MAML3: variants seen among roughly 807,000 people sequenced by gnomAD.
The protein encoded by MAML3 is mastermind like transcriptional coactivator 3, also known as mastermind-like protein 3.
Under a neutral mutation model 101.9 loss-of-function variants are expected in MAML3, and 27 were observed. The ratio of observed to expected loss-of-function variants is 0.27; its 90% CI spans 0.20 to 0.37. MAML3 has a LOEUF of 0.37. Among genes scored for constraint, MAML3 ranks in the 10% least tolerant of loss-of-function variants. MAML3 has a pLI of 1.00. For synonymous variants in MAML3, 501 were observed against 555.9 expected, an observed-to-expected ratio of 0.90 and a Z score of 1.39; for missense variants, 1,316 against 1,444.9, an observed-to-expected ratio of 0.91 and a Z score of 1.45.
At chr4:140,032,421 G>C (rs1726922022) in intron 1 of MAML3, among the ~76,000 whole-genome samples, 1 of 152,166 alleles carries the variant, frequency 6.6e-6, no homozygotes, top group Admixed American at 6.5e-5. Context: ...CTTCAGACTT[G>C]AAATTATTCT....
intron 1 of MAML3, among the ~76,000 whole-genome samples, chr4:140,150,939 G>A (rs1578711556): frequency 1.3e-5 from 2 of 151,724 alleles, no homozygotes; most frequent in African/African-American, 4.8e-5. Context: ...AAAACCAACC[G>A]AGACGGCCCC....
intron 2 of MAML3, among the ~76,000 whole-genome samples, chr4:139,744,661 G>T (rs1313098525): frequency 6.6e-6 from 1 of 152,202 alleles, no homozygotes; most frequent in Non-Finnish European, 1.5e-5. Context: ...CAGCACAATG[G>T]CAGGGGCTAT....
intron 1 of MAML3, among the ~76,000 whole-genome samples, chr4:140,045,669 C>G (rs1404547201): frequency 6.6e-6 from 1 of 152,162 alleles, no homozygotes; most frequent in East Asian, 1.9e-4. Context: ...CACTTTCTGA[C>G]TAATTTCTTA....
At chr4:140,068,819 T>A (rs1393293720) in intron 1 of MAML3, among the ~76,000 whole-genome samples, 2 of 152,082 alleles carry the variant, frequency 1.3e-5, no homozygotes, top group Non-Finnish European at 2.9e-5. Flanking sequence ...ATTTGAAGAG[T>A]CTTAGGCCAC....
At chr4:140,032,952 G>A (rs967720661) in intron 1 of MAML3, among the ~76,000 whole-genome samples, 17 of 151,432 alleles carry the variant, frequency 1.1e-4, no homozygotes, top group Non-Finnish European at 1.5e-5. Context: ...GGGCTCTTGT[G>A]CACTGGGTGA....
At chr4:139,915,169 G>A (rs983429401) in intron 1 of MAML3, among the ~76,000 whole-genome samples, 4 of 152,170 alleles carry the variant, frequency 2.6e-5, no homozygotes, top group African/African-American at 9.7e-5. Flanking sequence ...GCTCTCTGTT[G>A]TTGGAGGAGC....
chr4:139,948,200 G>A (rs1733766970), intron 1 of MAML3, among the ~76,000 whole-genome samples: 1 of 152,080 alleles, frequency 6.6e-6, no homozygotes, highest in Admixed American at 6.5e-5. Context: ...AAAAGTCTAT[G>A]TGGAAAAACC....
At position 139,958,666 on chromosome 4, in the gene MAML3, G is replaced by C. The variant is rs77909989; in HGVS notation, c.469-67699C>G. 8.4e-3 allele frequency among the ~76,000 whole-genome samples: 1,272 copies of C among 152,278 alleles called. 9 individuals carry two copies. The highest frequency in any genetic ancestry group is 0.013 in the Non-Finnish European group (855 of 68,014). ...AGAGAGTCACTTATGCAAGAAACCA[G>C]AGCCAGATTGATGCCTATCTTCACG... On this transcript the variant is annotated intron_variant, in intron 1 of 4. Coordinates refer to ENST00000509479, the MANE Select transcript of MAML3 (RefSeq NM_018717.5).
chr4:139,911,032 G>A lies in MAML3; in HGVS notation c.469-20065C>T, dbSNP rs1305402041. ...TGCAATACTGAAACTCTGTGTTCATGAAACAACTCCTCATCCTCTCCATTC... is the reference window on the plus strand; with the variant it reads ...TGCAATACTGAAACTCTGTGTTCATAAAACAACTCCTCATCCTCTCCATTC... On this transcript the variant is annotated intron_variant, in intron 1 of 4. Transcript: ENST00000509479. Among the ~76,000 whole-genome samples the A allele has an allele frequency of 8.5e-5, 13 of 152,120 alleles. No homozygotes were observed. The East Asian group carries it at 2.5e-3, about 29-fold the overall frequency.
intron 4 of MAML3, among the ~76,000 whole-genome samples, chr4:139,725,532 C>T (rs1308864178): frequency 1.3e-5 from 2 of 152,182 alleles, no homozygotes; most frequent in African/African-American, 4.8e-5. Flanking sequence ...CCTTCTAGAA[C>T]CTCTCTGTGA....
chr4:139,936,079 C>T (rs957821926), intron 1 of MAML3, among the ~76,000 whole-genome samples: 10 of 152,116 alleles, frequency 6.6e-5, no homozygotes, highest in African/African-American at 2.2e-4. Context: ...TCTACTCTAT[C>T]GGAGTTAGAT....
intron 1 of MAML3, among the ~76,000 whole-genome samples, chr4:140,097,771 G>T (rs1578683315): frequency 1.3e-5 from 2 of 152,194 alleles, no homozygotes; most frequent in African/African-American, 2.4e-5. Flanking sequence ...CCAAGCTCAC[G>T]TTCCTTCGTG....
chr4:139,985,118 T>C (rs1734513780), intron 1 of MAML3, among the ~76,000 whole-genome samples: 1 of 152,244 alleles, frequency 6.6e-6, no homozygotes, highest in African/African-American at 2.4e-5. Context: ...TTCTTTAGCA[T>C]AGTAAGACAT....
chr4:139,814,447 G>A (rs1204869283), intron 2 of MAML3, among the ~76,000 whole-genome samples: 1 of 152,102 alleles, frequency 6.6e-6, no homozygotes, highest in African/African-American at 2.4e-5. Context: ...CAGACTGAAG[G>A]TGACTCGAGT....
intron 2 of MAML3, among the ~76,000 whole-genome samples, chr4:139,802,694 G>A (rs1322645891): frequency 6.6e-6 from 1 of 152,236 alleles, no homozygotes; most frequent in African/African-American, 2.4e-5. Context: ...GTGAGAGATG[G>A]ATGGATGGTA....
At chr4:140,040,831 A>G (rs1727074955) in intron 1 of MAML3, among the ~76,000 whole-genome samples, 1 of 152,172 alleles carries the variant, frequency 6.6e-6, no homozygotes, top group African/African-American at 2.4e-5. Context: ...CACTTATTAC[A>G]TAAACATAAA....
In MAML3 at chr4:139,719,414, G is replaced by A. The variant is rs202229376; in HGVS notation, c.3326C>T (p.Pro1109Leu). Residue 1109 changes from proline to leucine, a missense_variant, in exon 5 of 5, where the codon CCG (proline) becomes CTG (leucine). Coordinates refer to ENST00000509479, the MANE Select transcript of MAML3 (RefSeq NM_018717.5). ...DGAGGSFPGLPDGADLVDSII... is the reference protein window; with the variant it reads ...DGAGGSFPGLLDGADLVDSII... ...GGAGTCCACAAGGTCTGCACCGTCC[G>A]GGAGGCCAGGGAAGGAACCCCCAGC... 34 of 1,613,968 alleles carry A rather than the reference G, an allele frequency of 2.1e-5. No homozygotes were observed. The highest frequency in any genetic ancestry group is 3.3e-4 in the Middle Eastern group (2 of 6,062).
At chr4:139,830,373 A>T (rs6826902) in intron 2 of MAML3, among the ~76,000 whole-genome samples, 1 of 151,212 alleles carries the variant, frequency 6.6e-6, no homozygotes, top group African/African-American at 2.5e-5. Flanking sequence ...TCTAGTTCAT[A>T]TTAAAATAAT....
chr4:139,854,071 C>T (rs1039049602), intron 2 of MAML3, among the ~76,000 whole-genome samples: 1 of 152,068 alleles, frequency 6.6e-6, no homozygotes, highest in East Asian at 1.9e-4. Context: ...GATCCGCCCG[C>T]CTCGTCCTCT....
Sources: gnomAD v4.1 joint callset for allele counts (sites outside exome capture counted in the v4.1 genomes callset) on GRCh38, gnomAD v4.1.1 for gene constraint, MANE v1.5 for transcripts, NCBI Gene and HGNC (gene_info 2026-07-23, HGNC 2026-07-21) for gene names.